The following NHSL1 variants were observed in gnomAD, a reference collection of about 807,000 sequenced individuals.
The protein encoded by NHSL1 is NHS-like protein 1.
In NHSL1, 48 loss-of-function variants were observed where a neutral mutation model predicts 95.0. The observed-to-expected ratio is 0.51, with a 90% CI of 0.40 to 0.64. The LOEUF is 0.64. Ranked by LOEUF, NHSL1 falls within the 30% of genes least tolerant of loss-of-function variation. NHSL1 has a pLI of 0.00. For synonymous variants in NHSL1, 783 were observed against 833.9 expected, an observed-to-expected ratio of 0.94 and a Z score of 1.05; for missense variants, 1,971 against 2,077.7, an observed-to-expected ratio of 0.95 and a Z score of 1.00.
chr6:138,477,440 A>T (rs1360910372), intron 2 of NHSL1, among the ~76,000 whole-genome samples: 1 of 152,114 alleles, frequency 6.6e-6, no homozygotes, highest in Non-Finnish European at 1.5e-5. Context: ...TTTCTAGAAA[A>T]AAATTCTTTT....
chr6:138,550,088 A>C (rs1302744538), upstream of NHSL1, among the ~76,000 whole-genome samples: 1 of 151,982 alleles, frequency 6.6e-6, no homozygotes, highest in Non-Finnish European at 1.5e-5. Context: ...AAAAATATAA[A>C]ATGAGCCAGG....
chr6:138,573,590 T>C (rs554041044), upstream of NHSL1, among the ~76,000 whole-genome samples: 2 of 152,314 alleles, frequency 1.3e-5, no homozygotes, highest in African/African-American at 2.4e-5. Context: ...TCAGAAGTTC[T>C]ACAAAGTGTT....
intron 1 of NHSL1, among the ~76,000 whole-genome samples, chr6:138,551,407 T>A (rs775655986): frequency 2.6e-4 from 40 of 152,302 alleles, no homozygotes; most frequent in Non-Finnish European, 5.4e-4. Flanking sequence ...CATTTCCCCC[T>A]GGATGCAAGA....
At chr6:138,579,458 G>T (rs2114482097) in intron 1 of NHSL1, among the ~76,000 whole-genome samples, 1 of 152,092 alleles carries the variant, frequency 6.6e-6, no homozygotes, top group East Asian at 1.9e-4. Flanking sequence ...TGAATTAAAG[G>T]GTTAATAATA....
At chr6:138,575,646 C>T (rs1018128883), upstream of NHSL1, among the ~76,000 whole-genome samples, 20 of 152,190 alleles carry the variant, frequency 1.3e-4, no homozygotes, top group African/African-American at 4.6e-4. Flanking sequence ...GATCAGAGTT[C>T]CTGTTGATCA....
chr6:138,480,330 A>G (rs1779340197), intron 2 of NHSL1, among the ~76,000 whole-genome samples: 1 of 152,204 alleles, frequency 6.6e-6, no homozygotes, highest in Non-Finnish European at 1.5e-5. Context: ...TGTATTTTCC[A>G]TTCGCATTTG....
Position 138,433,377 on chromosome 6 carries a change from T to G in NHSL1, c.968A>C (p.His323Pro). 1 of 1,552,262 alleles carries G rather than the reference T, an allele frequency of 6.4e-7. No homozygotes were observed. Among genetic ancestry groups the G allele is most frequent in the South Asian group, 1.2e-5 (1 of 84,050 alleles). ...CCTTGCTCCAGAACGCGGAAGACTA[T>G]GGAAGCCAGCATCACTGTCAAGGCG... ...PSRLDSDAGF[H>P]SLPRSGARAN... The change falls in exon 6 of 8, where the codon CAT becomes CCT. Residue 323 changes from histidine to proline, a missense_variant. Coordinates refer to ENST00000343505, the MANE Select transcript of NHSL1 (RefSeq NM_001144060.2).
chr6:138,582,939 A>T (rs1784083338), intron 1 of NHSL1, among the ~76,000 whole-genome samples: 1 of 152,162 alleles, frequency 6.6e-6, no homozygotes, highest in Non-Finnish European at 1.5e-5. Flanking sequence ...TGCAAAACCC[A>T]ATGGCTTAAA....
intron 1 of NHSL1, among the ~76,000 whole-genome samples, chr6:138,600,316 C>T (rs1055628783): frequency 6.6e-6 from 1 of 152,160 alleles, no homozygotes; most frequent in African/African-American, 2.4e-5. Context: ...TCATGGCAGC[C>T]TTGAACTCCT....
chr6:138,623,671 T>C (rs1185460128), intron 1 of NHSL1, among the ~76,000 whole-genome samples: 1 of 152,172 alleles, frequency 6.6e-6, no homozygotes, highest in Non-Finnish European at 1.5e-5. Context: ...CTCCTCAGTC[T>C]CTCTCTTTGT....
intron 1 of NHSL1, among the ~76,000 whole-genome samples, chr6:138,522,687 T>C (rs202047995): frequency 1.3e-5 from 2 of 152,050 alleles, no homozygotes; most frequent in African/African-American, 4.8e-5. Context: ...GTGGCGCACA[T>C]GTGGTTTCAG....
At chr6:138,437,143 A>G (rs151258275) in intron 5 of NHSL1, among the ~76,000 whole-genome samples, 1,951 of 151,540 alleles carry the variant, frequency 0.013, 37 homozygotes, top group African/African-American at 0.044. Flanking sequence ...GCGTGGTGGC[A>G]CATGCCTATA....
At chr6:138,472,216 T>C (rs538844289) in intron 3 of NHSL1, among the ~76,000 whole-genome samples, 1 of 145,782 alleles carries the variant, frequency 6.9e-6, no homozygotes, top group South Asian at 2.2e-4. Flanking sequence ...TAAAAAACAA[T>C]CTGGGTGAAG....
intron 1 of NHSL1, among the ~76,000 whole-genome samples, chr6:138,498,359 G>A (rs116639525): frequency 2.6e-4 from 39 of 152,198 alleles, no homozygotes; most frequent in African/African-American, 8.2e-4. Flanking sequence ...TCTTCCCCTC[G>A]TGTTCCTCAC....
chr6:138,514,035 G>A (rs558948079), intron 1 of NHSL1, among the ~76,000 whole-genome samples: 13 of 152,132 alleles, frequency 8.5e-5, no homozygotes, highest in Non-Finnish European at 1.9e-4. Context: ...CTTTATTCTT[G>A]GCCAGGCGTG....
chr6:138,524,425 T>C (rs1381137699), intron 1 of NHSL1, among the ~76,000 whole-genome samples: 1 of 152,188 alleles, frequency 6.6e-6, no homozygotes, highest in African/African-American at 2.4e-5. Flanking sequence ...ACCATTACCC[T>C]AATAAAATCA....
In NHSL1 at chr6:138,433,269, C is replaced by A; in HGVS notation, c.1076G>T (p.Gly359Val). The change falls in exon 6 of 8, where the codon GGT (glycine) becomes GTT (valine). Residue 359 changes from glycine (G) to valine (V), a missense_variant. Around this residue, in one of 3 missense-constraint regions of NHSL1, gnomAD observed 1,602 missense variants for 1,654.5 expected, o/e 0.97. Coordinates refer to ENST00000343505, the MANE Select transcript of NHSL1 (RefSeq NM_001144060.2). ...DMNGTFLYQR[G>V]HPQADENLGH... ...TAAGTTTTCATCTGCTTGTGGGTGA[C>A]CTCTCTGGTAGAGGAAAGTGCCATT... 1.3e-6 allele frequency: 2 copies of A among 1,551,598 alleles called. No homozygotes were observed. Among genetic ancestry groups the A allele is most frequent in the Non-Finnish European group, 1.7e-6 (2 of 1,146,974 alleles).
At chr6:138,615,621 C>T (rs1474925721) in intron 1 of NHSL1, among the ~76,000 whole-genome samples, 1 of 152,234 alleles carries the variant, frequency 6.6e-6, no homozygotes, top group Non-Finnish European at 1.5e-5. Context: ...CAGGCGCATG[C>T]CACCATGCCT....
intron 1 of NHSL1, among the ~76,000 whole-genome samples, chr6:138,595,235 A>G (rs1784287855): frequency 6.6e-6 from 1 of 152,208 alleles, no homozygotes; most frequent in Non-Finnish European, 1.5e-5. Context: ...TAGGCAGTAT[A>G]TGTCAGGAAA....
Sources: gnomAD v4.1 joint callset for allele counts (sites outside exome capture counted in the v4.1 genomes callset) on GRCh38, gnomAD v4.1.1 for gene constraint, gnomAD v4.1.1 regional missense constraint, MANE v1.5 for transcripts, NCBI Gene and HGNC (gene_info 2026-07-23, HGNC 2026-07-21) for gene names.